RSPO3: variants seen among roughly 807,000 people sequenced by gnomAD.
RSPO3 encodes R-spondin-3.
A neutral mutation model predicts 36.5 loss-of-function variants in RSPO3; 17 were observed. That is an observed-to-expected ratio of 0.47 (90% CI 0.32 to 0.70). The LOEUF (loss-of-function observed/expected upper bound fraction) is 0.70, where lower values mean the gene tolerates loss of function less well. Among genes scored for constraint, RSPO3 ranks in the 30% least tolerant of loss-of-function variants. The probability of loss-of-function intolerance (pLI) is 0.04; values close to 1 mark genes in which losing one functional copy is unlikely to be tolerated. For synonymous variants in RSPO3, 108 were observed against 107.0 expected, an observed-to-expected ratio of 1.01 and a Z score of -0.06; for missense variants, 294 against 322.5, an observed-to-expected ratio of 0.91 and a Z score of 0.68.
At chr6:127,124,975 A>G (rs1773912213) in intron 1 of RSPO3, among the ~76,000 whole-genome samples, 1 of 152,168 alleles carries the variant, frequency 6.6e-6, no homozygotes, top group East Asian at 1.9e-4. Context: ...TTTAAGCAAA[A>G]TACCTGAATT....
chr6:127,165,053 C>T (rs958653407), intron 4 of RSPO3, among the ~76,000 whole-genome samples: 31 of 151,976 alleles, frequency 2.0e-4, no homozygotes, highest in African/African-American at 6.3e-4. Context: ...AGCACAATGC[C>T]ACTTACTATT....
intron 4 of RSPO3, among the ~76,000 whole-genome samples, chr6:127,161,217 A>G (rs4566896): frequency 0.53 from 80,551 of 151,792 alleles, 21,362 homozygotes; most frequent in African/African-American, 0.55. Flanking sequence ...GACATGCACA[A>G]TTGACTCCCC....
intron 1 of RSPO3, among the ~76,000 whole-genome samples, chr6:127,131,899 T>A (rs1774065413): frequency 1.3e-5 from 2 of 152,168 alleles, no homozygotes; most frequent in South Asian, 4.1e-4. Flanking sequence ...CTCTGAAACC[T>A]AAATAATCCC....
chr6:127,141,585 C>T (rs1263154848), intron 1 of RSPO3, among the ~76,000 whole-genome samples: 12 of 152,136 alleles, frequency 7.9e-5, no homozygotes, highest in African/African-American at 1.9e-4. Flanking sequence ...CAGTATGTTT[C>T]CCCACATAAT....
At chr6:127,128,636 A>C (rs1414012364) in intron 1 of RSPO3, among the ~76,000 whole-genome samples, 1 of 152,132 alleles carries the variant, frequency 6.6e-6, no homozygotes, top group African/African-American at 2.4e-5. Context: ...TCATTTGAAC[A>C]AATAGTAGTG....
intron 4 of RSPO3, among the ~76,000 whole-genome samples, chr6:127,192,404 A>G (rs1360384924): frequency 6.6e-6 from 1 of 152,192 alleles, no homozygotes; most frequent in Admixed American, 6.6e-5. Flanking sequence ...GTTTAGCAAG[A>G]AGTAAGGATT....
chr6:127,183,699 T>C (rs1440003585), intron 4 of RSPO3, among the ~76,000 whole-genome samples: 2 of 152,030 alleles, frequency 1.3e-5, no homozygotes, highest in Non-Finnish European at 2.9e-5. Context: ...TTTAGAGCAA[T>C]AGTAGCAGTG....
intron 3 of RSPO3, among the ~76,000 whole-genome samples, chr6:127,152,700 G>A (rs1369044537): frequency 6.6e-6 from 1 of 152,122 alleles, no homozygotes; most frequent in Non-Finnish European, 1.5e-5. Context: ...ATAGAGCTGG[G>A]ATGAAAGAGG....
At chr6:127,138,567 A>G (rs1229231034) in intron 1 of RSPO3, among the ~76,000 whole-genome samples, 1 of 152,150 alleles carries the variant, frequency 6.6e-6, no homozygotes, top group Non-Finnish European at 1.5e-5. Flanking sequence ...GAGTTAAACA[A>G]AGTGTCTTAT....
chr6:127,174,968 A>T (rs1775021407), intron 4 of RSPO3, among the ~76,000 whole-genome samples: 1 of 151,632 alleles, frequency 6.6e-6, no homozygotes, highest in East Asian at 2.0e-4. Context: ...TGAGTGAGGA[A>T]CTCTTAGACT....
At chr6:127,195,757 T>A (rs977741011) in intron 4 of RSPO3, 66 bp from the exon 5 acceptor site, 12 of 1,130,730 alleles carry the variant, frequency 1.1e-5, no homozygotes, top group African/African-American at 6.3e-5. Flanking sequence ...AGTCATTTTT[T>A]AAAATGTAAT....
chr6:127,191,482 C>T (rs1267786904), intron 4 of RSPO3, among the ~76,000 whole-genome samples: 2 of 151,816 alleles, frequency 1.3e-5, no homozygotes, highest in Non-Finnish European at 2.9e-5. Flanking sequence ...CTGCAGAAGG[C>T]CATAGGAAAT....
chr6:127,129,796 T>A (rs1054465129), intron 1 of RSPO3, among the ~76,000 whole-genome samples: 5 of 152,086 alleles, frequency 3.3e-5, no homozygotes, highest in Non-Finnish European at 7.4e-5. Context: ...AATTCATCAC[T>A]ACAAGTTCTC....
intron 4 of RSPO3, among the ~76,000 whole-genome samples, chr6:127,157,827 CTT>C (rs1247651062): frequency 2.0e-5 from 3 of 151,686 alleles, no homozygotes; most frequent in Non-Finnish European, 4.4e-5. Flanking sequence ...TCATTTCTCT[CTT>C]TGTTATTTCT....
At chr6:127,174,098 A>AAC (rs34242114) in intron 4 of RSPO3, among the ~76,000 whole-genome samples, 70,833 of 151,560 alleles carry the variant, frequency 0.47, 16,711 homozygotes, top group East Asian at 0.53. Flanking sequence ...CATTTCTAAT[A>AAC]ATGTGTGTTT....
At chr6:127,134,691 T>C (rs572829034) in intron 1 of RSPO3, among the ~76,000 whole-genome samples, 30 of 152,324 alleles carry the variant, frequency 2.0e-4, no homozygotes, top group Non-Finnish European at 3.8e-4. Flanking sequence ...CGGTATGTGA[T>C]CACTGACTTG....
intron 3 of RSPO3, among the ~76,000 whole-genome samples, chr6:127,150,837 G>C (rs1215622442): frequency 6.6e-6 from 1 of 150,926 alleles, no homozygotes; most frequent in Non-Finnish European, 1.5e-5. Context: ...GTTTATGATA[G>C]ATTTATTTTT....
chr6:127,139,644 C>T (rs1489838844), intron 1 of RSPO3, among the ~76,000 whole-genome samples: 1 of 151,970 alleles, frequency 6.6e-6, no homozygotes, highest in Non-Finnish European at 1.5e-5. Context: ...CTCAGCCAGA[C>T]CACAGCACAT....
In RSPO3 at chr6:127,149,907, G is replaced by A. The variant is rs1196504410; in HGVS notation, c.290-519G>A. ...AATCACCACATAAGGGTGAACTATTGTTATTGTTTACTGTATCTCCTCTCC... is the reference window on the plus strand; with the variant it reads ...AATCACCACATAAGGGTGAACTATTATTATTGTTTACTGTATCTCCTCTCC... On this transcript the variant is annotated intron_variant, in intron 2 of 4. Transcript: ENST00000356698. 2.6e-5 allele frequency among the ~76,000 whole-genome samples: 4 copies of A among 151,888 alleles called. No homozygotes were observed. The South Asian group carries it at 6.2e-4, about 24-fold the overall frequency.
Sources: gnomAD v4.1 joint callset for allele counts (sites outside exome capture counted in the v4.1 genomes callset) on GRCh38, gnomAD v4.1.1 for gene constraint, MANE v1.5 for transcripts, NCBI Gene and HGNC (gene_info 2026-07-23, HGNC 2026-07-21) for gene names.